The following EYA1 variants were observed in gnomAD, a reference collection of about 807,000 sequenced individuals.
EYA1 encodes protein phosphatase EYA1.
EYA1 carries 16 observed loss-of-function variants against 82.0 expected under a neutral mutation model. That is an observed-to-expected ratio of 0.20 (90% CI 0.13 to 0.30). The LOEUF (loss-of-function observed/expected upper bound fraction) is 0.30, where lower values mean the gene tolerates loss of function less well. Among genes scored for constraint, EYA1 ranks in the 10% least tolerant of loss-of-function variants. EYA1 has a pLI of 1.00. For synonymous variants in EYA1, 261 were observed against 264.4 expected, an observed-to-expected ratio of 0.99 and a Z score of 0.12; for missense variants, 633 against 730.7, an observed-to-expected ratio of 0.87 and a Z score of 1.54.
chr8:71,517,246 ACT>A (rs1449325284), intron 2 of EYA1, among the ~76,000 whole-genome samples: 1 of 151,898 alleles, frequency 6.6e-6, no homozygotes, highest in Non-Finnish European at 1.5e-5. Context: ...CAAATTTTCA[ACT>A]CTCTACAAAC....
chr8:71,454,034 T>G (rs1482443718), intron 2 of EYA1, among the ~76,000 whole-genome samples: 1 of 151,982 alleles, frequency 6.6e-6, no homozygotes, highest in Non-Finnish European at 1.5e-5. Context: ...CCATCTCACA[T>G]GCAGAGACAC....
At chr8:71,362,489 T>C (rs1414645695), upstream of EYA1, among the ~76,000 whole-genome samples, 1 of 152,126 alleles carries the variant, frequency 6.6e-6, no homozygotes, top group African/African-American at 2.4e-5. Context: ...GGGAATCCAC[T>C]ACTTTTCATA....
intron 16 of EYA1, among the ~76,000 whole-genome samples, chr8:71,215,091 T>C (rs984717494): frequency 2.0e-5 from 3 of 152,324 alleles, no homozygotes; most frequent in East Asian, 1.9e-4. Flanking sequence ...TTTTTGTTAA[T>C]GTTGCCTAAA....
At chr8:71,377,496 C>G (rs10217033) in intron 2 of EYA1, among the ~76,000 whole-genome samples, 11,809 of 152,214 alleles carry the variant, frequency 0.078, 590 homozygotes, top group Non-Finnish European at 0.1. Flanking sequence ...GCAAATGATT[C>G]CAATCGCAAG....
Position 71,300,264 on chromosome 8 carries a change from T to G in EYA1, c.557-544A>C, listed in dbSNP as rs530140547. 3.3e-5 allele frequency among the ~76,000 whole-genome samples: 5 copies of G among 152,324 alleles called. No individual in the cohort carries two copies. In the South Asian group the frequency reaches 1.0e-3, roughly 32 times the overall value. ...AAAGATGAAAGAAGAATATGATTAA[T>G]GTTTTATCTGTTACATATGCTGTCA... is the stretch of plus-strand genomic sequence containing the variant. On this transcript the variant is annotated intron_variant, in intron 7 of 17. Coordinates refer to ENST00000340726, the MANE Select transcript of EYA1 (RefSeq NM_000503.6).
At chr8:71,277,115 ATTTTTTTTTTTTTTTTTTT>A (rs9298167) in intron 9 of EYA1, among the ~76,000 whole-genome samples, 2 of 76,938 alleles carry the variant, frequency 2.6e-5, no homozygotes, top group South Asian at 6.3e-4. Context: ...GGCTTCACAC[ATTTTTTTTTTTTTTTTTTT>A]TTTTTTTTTT....
chr8:71,218,004 AAGGACTCT>A (rs916921043), intron 12 of EYA1, among the ~76,000 whole-genome samples: 6 of 152,326 alleles, frequency 3.9e-5, no homozygotes, highest in African/African-American at 1.4e-4. Flanking sequence ...GGAGGCAGAC[AAGGACTCT>A]AGTCCAGAAA....
At chr8:71,444,384 C>A (rs6997706) in intron 2 of EYA1, among the ~76,000 whole-genome samples, 1 of 152,114 alleles carries the variant, frequency 6.6e-6, no homozygotes, top group South Asian at 2.1e-4. Flanking sequence ...TTTCAGAAAG[C>A]GGAACCACAA....
At chr8:71,482,108 C>T (rs981961686) in intron 2 of EYA1, among the ~76,000 whole-genome samples, 4 of 151,958 alleles carry the variant, frequency 2.6e-5, no homozygotes, top group Non-Finnish European at 5.9e-5. Flanking sequence ...AGTGAAAAAG[C>T]AAGTTACAGA....
intron 7 of EYA1, among the ~76,000 whole-genome samples, chr8:71,314,770 T>C (rs59081260): frequency 0.05 from 7,593 of 152,224 alleles, 642 homozygotes; most frequent in African/African-American, 0.17. Flanking sequence ...GCCTCAGTCA[T>C]GGGAAATGGG....
At chr8:71,400,907 A>G (rs1394247992) in intron 2 of EYA1, among the ~76,000 whole-genome samples, 4 of 152,218 alleles carry the variant, frequency 2.6e-5, no homozygotes, top group African/African-American at 9.6e-5. Context: ...CAATGATAGA[A>G]TGGATAAAGG....
intron 2 of EYA1, among the ~76,000 whole-genome samples, chr8:71,456,996 T>C (rs1807979488): frequency 6.6e-6 from 1 of 152,102 alleles, no homozygotes; most frequent in South Asian, 2.1e-4. Flanking sequence ...GGAGAAAATT[T>C]TTGCAATCTA....
At chr8:71,397,452 C>T (rs1025405639) in intron 2 of EYA1, among the ~76,000 whole-genome samples, 49 of 152,140 alleles carry the variant, frequency 3.2e-4, no homozygotes, top group African/African-American at 1.1e-3. Context: ...ATGTTTAGTG[C>T]TTCCTTCAGG....
intron 7 of EYA1, among the ~76,000 whole-genome samples, chr8:71,301,331 A>G (rs1310654849): frequency 6.6e-6 from 1 of 152,170 alleles, no homozygotes; most frequent in Non-Finnish European, 1.5e-5. Flanking sequence ...AGTGTTCCTA[A>G]CAGATCAGAT....
intron 1 of EYA1, among the ~76,000 whole-genome samples, chr8:71,540,601 A>G (rs1360448925): frequency 6.6e-6 from 1 of 152,172 alleles, no homozygotes; most frequent in Non-Finnish European, 1.5e-5. Flanking sequence ...TTGGGAAGAA[A>G]ACAATATTTA....
chr8:71,219,111 C>T (rs28516408), intron 12 of EYA1, among the ~76,000 whole-genome samples: 2 of 152,136 alleles, frequency 1.3e-5, no homozygotes, highest in Non-Finnish European at 2.9e-5. Context: ...CAGCTGTGAA[C>T]GACCCCATTG....
chr8:71,464,619 T>G (rs1808643644), intron 2 of EYA1, among the ~76,000 whole-genome samples: 1 of 152,226 alleles, frequency 6.6e-6, no homozygotes, highest in African/African-American at 2.4e-5. Flanking sequence ...TACACTACAT[T>G]AACAATTCTT....
chr8:71,445,246 C>T (rs1294086120), intron 2 of EYA1, among the ~76,000 whole-genome samples: 1 of 152,150 alleles, frequency 6.6e-6, no homozygotes, highest in Non-Finnish European at 1.5e-5. Flanking sequence ...ACCTCTTTTA[C>T]TACTATTACT....
At chr8:71,327,925 A>C (rs1823353935) in intron 4 of EYA1, among the ~76,000 whole-genome samples, 1 of 140,450 alleles carries the variant, frequency 7.1e-6, no homozygotes, top group African/African-American at 2.7e-5. Context: ...GGTGCATCTC[A>C]GCTCACTGCA....
Sources: allele counts gnomAD v4.1 joint callset (sites outside exome capture counted in the v4.1 genomes callset), GRCh38; gene constraint gnomAD v4.1.1; transcripts MANE v1.5; gene names NCBI Gene and HGNC (gene_info 2026-07-23, HGNC 2026-07-21).